The following CELF2 variants were observed in gnomAD, a reference collection of about 807,000 sequenced individuals.
The protein encoded by CELF2 is CUGBP Elav-like family member 2.
In CELF2, 8 loss-of-function variants were observed where a neutral mutation model predicts 62.6. The ratio of observed to expected loss-of-function variants is 0.13; its 90% CI spans 0.07 to 0.23. The LOEUF is 0.23. CELF2 is among the 10% of genes least tolerant of loss of function. The pLI, the probability that CELF2 is intolerant of heterozygous loss-of-function variation, is 1.00. For synonymous variants in CELF2, 258 were observed against 250.0 expected (o/e 1.03, Z -0.30); for missense variants, 333 against 671.0 (o/e 0.50, Z 5.56).
rs185460865 is a variant in CELF2, at chr10:11,042,577, C to T, written c.74+24414C>T. Among the ~76,000 whole-genome samples, 38 of 152,274 alleles carry T rather than the reference C, an allele frequency of 2.5e-4. No homozygotes were observed. In the East Asian group the frequency reaches 6.9e-3, roughly 28 times the overall value. On this transcript the variant is annotated intron_variant, in intron 1 of 12. Transcript: ENST00000633077. ...AAGCCAGTCACCCTTCTAAAATGTT[C>T]AATTCAGTGGTTTTTATCATATGCA... is the stretch of plus-strand genomic sequence containing the variant.
chr10:11,327,440 A>G (rs2095810246), intron 12 of CELF2, among the ~76,000 whole-genome samples: 2 of 152,220 alleles, frequency 1.3e-5, no homozygotes, highest in African/African-American at 4.8e-5. Context: ...GTCAGCAGAC[A>G]ATTCTTGAGC....
At chr10:10,839,299 AC>A (rs1440004734) in intron 1 of CELF2, among the ~76,000 whole-genome samples, 1 of 152,196 alleles carries the variant, frequency 6.6e-6, no homozygotes, top group African/African-American at 2.4e-5. Context: ...AAATATCTCT[AC>A]ATGTAACCCT....
In CELF2 at chr10:11,332,604, A is replaced by C. The variant is rs191660255; in HGVS notation, c.*3551A>C. On this transcript the variant is annotated 3_prime_UTR_variant, in exon 13 of 13. Transcript: ENST00000633077. ...TCCTAATGTCACGCCTACAGCCCCA[A>C]CACAAGCTCCAGTCTTCCTCTTCGG... 3 of 152,800 alleles carry C rather than the reference A, an allele frequency of 2.0e-5. No homozygotes were observed. The highest frequency in any genetic ancestry group is 3.9e-4 in the East Asian group (2 of 5,194). 9.5% of individuals were successfully genotyped at this position (152,800 alleles called of 1,614,324 possible). A position where few individuals can be genotyped will look rare whatever the true frequency, so the allele number is the denominator to read the frequency against.
chr10:11,254,412 G>A (rs969901011), intron 4 of CELF2, among the ~76,000 whole-genome samples: 5 of 152,246 alleles, frequency 3.3e-5, no homozygotes, highest in Admixed American at 3.3e-4. Context: ...GATGATGGAG[G>A]TTTCCATTTT....
intron 2 of CELF2, chr10:10,946,430 C>G (rs1027786206): frequency 1.3e-5 from 2 of 152,596 alleles, no homozygotes. Flanking sequence ...TTGGGGAAGA[C>G]TCCTTTTTCC....
chr10:11,237,618 G>A lies in CELF2; in HGVS notation c.355-11535G>A, dbSNP rs1464851536. ...TCAGCCCCACTAGCATCTCCACACT[G>A]GGTGAGGGTTACAAGGGAGGCTGGG... On this transcript the variant is annotated intron_variant, in intron 3 of 12. Transcript: ENST00000633077. This position sits in a 1 kb window ranked among gnomAD's most constrained non-coding sequence, Gnocchi z 4.0. Among the ~76,000 whole-genome samples, 1 of 152,210 alleles carries A rather than the reference G, an allele frequency of 6.6e-6. No homozygotes were observed. Among genetic ancestry groups the A allele is most frequent in the African/African-American group, 2.4e-5 (1 of 41,442 alleles).
chr10:11,263,666 T>C (rs1451124781), intron 5 of CELF2, among the ~76,000 whole-genome samples: 1 of 152,216 alleles, frequency 6.6e-6, no homozygotes, highest in African/African-American at 2.4e-5. Context: ...AGCCTTCTGG[T>C]TGGCTTGAGA....
At chr10:11,032,387 G>T (rs2060269928) in intron 1 of CELF2, among the ~76,000 whole-genome samples, 1 of 152,080 alleles carries the variant, frequency 6.6e-6, no homozygotes, top group Non-Finnish European at 1.5e-5. Context: ...GGAAGCTGAG[G>T]TGGGGGAATC....
chr10:10,544,297 T>A, the CELF2 span, among the ~76,000 whole-genome samples: 3 of 152,184 alleles, frequency 2.0e-5, no homozygotes, highest in Non-Finnish European at 4.4e-5. Flanking sequence ...CAGGGAGCAA[T>A]TGAAGACCAG....
intron 1 of CELF2, among the ~76,000 whole-genome samples, chr10:10,854,710 C>T (rs758509087): frequency 7.9e-5 from 12 of 152,038 alleles, no homozygotes; most frequent in Non-Finnish European, 1.6e-4. Flanking sequence ...CAAATTCCAA[C>T]TTGCAATTTA....
In CELF2 at chr10:11,306,796, C is replaced by T. The variant is rs1311353043; in HGVS notation, c.977-7343C>T. On this transcript the variant is annotated intron_variant, in intron 9 of 12. Transcript: ENST00000633077. This position sits in a 1 kb window ranked among gnomAD's most constrained non-coding sequence, Gnocchi z 4.4. ...TTCTACTGGGACCGTCTAAGAACAGCGTAGTAAGAAGTGAGAAATTATGTC... is the reference window on the plus strand; with the variant it reads ...TTCTACTGGGACCGTCTAAGAACAGTGTAGTAAGAAGTGAGAAATTATGTC... Among the ~76,000 whole-genome samples, 2 of 152,128 alleles carry T rather than the reference C, an allele frequency of 1.3e-5. No individual in the cohort carries two copies. The highest frequency in any genetic ancestry group is 2.9e-5 in the Non-Finnish European group (2 of 68,026).
intron 2 of CELF2, among the ~76,000 whole-genome samples, chr10:11,212,464 A>T (rs983759130): frequency 6.6e-6 from 1 of 152,210 alleles, no homozygotes; most frequent in Non-Finnish European, 1.5e-5. Flanking sequence ...AATCACAGTG[A>T]TGTGTTAGTG....
chr10:10,836,040 A>G (rs539252082), intron 1 of CELF2, among the ~76,000 whole-genome samples: 4 of 152,360 alleles, frequency 2.6e-5, no homozygotes, highest in African/African-American at 9.6e-5. Flanking sequence ...TAGTTCTTCC[A>G]TAATTCTTAG....
At chr10:10,906,024 C>T (rs902124358) in intron 1 of CELF2, among the ~76,000 whole-genome samples, 25 of 151,912 alleles carry the variant, frequency 1.6e-4, no homozygotes, top group Admixed American at 9.2e-4. Context: ...TGAGCTCAGA[C>T]GGTGCCACTG....
chr10:10,605,683 A>G, the CELF2 span, among the ~76,000 whole-genome samples: 1 of 152,234 alleles, frequency 6.6e-6, no homozygotes, highest in African/African-American at 2.4e-5. Flanking sequence ...AGCTGAGAAG[A>G]GTCCAGGAAA....
the CELF2 span, among the ~76,000 whole-genome samples, chr10:10,497,392 C>T: frequency 2.6e-5 from 4 of 152,002 alleles, no homozygotes; most frequent in Admixed American, 6.6e-5. Context: ...CAATTATGTG[C>T]CAGGCACTAG....
chr10:10,751,291 C>T, the CELF2 span, among the ~76,000 whole-genome samples: 1 of 152,204 alleles, frequency 6.6e-6, no homozygotes, highest in Admixed American at 6.5e-5. Flanking sequence ...AGAGAGAACT[C>T]ACTGCGTTCC....
In CELF2 at chr10:11,314,360, C is replaced by A; in HGVS notation, c.1096+102C>A. ...AAATGACCCGAAAAAGGATATGCCA[C>A]GGGGAGAACTAAAACTTGGGATGGA... On this transcript the variant is annotated intron_variant, in intron 10 of 12. Transcript: ENST00000633077. The surrounding 1 kb of genome is among the most constrained non-coding windows in gnomAD (Gnocchi z 5.3). 1 of 1,495,570 alleles carries A rather than the reference C, an allele frequency of 6.7e-7. No individual in the cohort carries two copies. The highest frequency in any genetic ancestry group is 9.3e-7 in the Non-Finnish European group (1 of 1,075,844). 92.6% of individuals were successfully genotyped at this position (1,495,570 alleles called of 1,614,324 possible). A position where few individuals can be genotyped will look rare whatever the true frequency, so the allele number is the denominator to read the frequency against.
the CELF2 span, among the ~76,000 whole-genome samples, chr10:10,693,605 C>A: frequency 6.6e-6 from 1 of 151,192 alleles, no homozygotes; most frequent in African/African-American, 2.4e-5. Flanking sequence ...CCTCCTTGTA[C>A]CTCTGGTAGA....
Sources: allele counts gnomAD v4.1 joint callset (sites outside exome capture counted in the v4.1 genomes callset), GRCh38; gene constraint gnomAD v4.1.1; non-coding constraint Gnocchi (gnomAD v3.1); transcripts MANE v1.5; gene names NCBI Gene and HGNC (gene_info 2026-07-23, HGNC 2026-07-21).